BIRC6: variants seen among roughly 807,000 people sequenced by gnomAD.
The protein encoded by BIRC6 is dual E2 ubiquitin-conjugating enzyme/E3 ubiquitin-protein ligase BIRC6.
BIRC6 carries 98 observed loss-of-function variants against 503.3 expected under a neutral mutation model. The ratio of observed to expected loss-of-function variants is 0.19; its 90% CI spans 0.17 to 0.23. BIRC6 has a LOEUF of 0.23. BIRC6 is among the 10% of genes least tolerant of loss of function. The pLI is 1.00. For missense variants in BIRC6, 5,360 were observed against 5,806.0 expected, an observed-to-expected ratio of 0.92 and a Z score of 2.50; for synonymous variants, 2,240 against 2,078.7, an observed-to-expected ratio of 1.08 and a Z score of -2.11.
intron 69 of BIRC6, among the ~76,000 whole-genome samples, chr2:32,599,193 G>A (rs1447068272): frequency 6.6e-6 from 1 of 151,800 alleles, no homozygotes; most frequent in African/African-American, 2.4e-5. Context: ...GCCAGGCATG[G>A]TGGTGCATGC....
intron 59 of BIRC6, 105 bp downstream of exon 59, chr2:32,525,733 G>A (rs551802714): frequency 9.0e-7 from 1 of 1,107,156 alleles, no homozygotes; most frequent in East Asian, 2.5e-5. Flanking sequence ...TGCCATTGAT[G>A]AGATCAGTGA....
chr2:32,399,532 A>G (rs1394199133), intron 6 of BIRC6, among the ~76,000 whole-genome samples: 3 of 152,198 alleles, frequency 2.0e-5, no homozygotes, highest in African/African-American at 7.2e-5. Context: ...AACTGGGACT[A>G]TATGCTTTAC....
At chr2:32,361,717 C>A (rs965169453) in intron 1 of BIRC6, among the ~76,000 whole-genome samples, 34 of 152,152 alleles carry the variant, frequency 2.2e-4, no homozygotes, top group African/African-American at 7.7e-4. Context: ...TCCCCTCTCC[C>A]TGCTGGCAAC....
intron 53 of BIRC6, 143 bp from the exon 54 acceptor site, chr2:32,512,790 C>T: frequency 1.7e-5 from 11 of 652,304 alleles, no homozygotes; most frequent in East Asian, 5.8e-5. Context: ...CCTTTTTTTC[C>T]TATTTTAGAT....
At chr2:32,417,170 C>T (rs1297560627) in intron 10 of BIRC6, among the ~76,000 whole-genome samples, 1 of 152,122 alleles carries the variant, frequency 6.6e-6, no homozygotes, top group East Asian at 1.9e-4. Flanking sequence ...CACTGTGTTG[C>T]CCAGGCTGGA....
chr2:32,591,614 G>C (rs574346832), intron 66 of BIRC6, among the ~76,000 whole-genome samples: 1 of 152,250 alleles, frequency 6.6e-6, no homozygotes, highest in Non-Finnish European at 1.5e-5. Context: ...TCTGGAAAAA[G>C]AGCTTCACTT....
chr2:32,515,694 C>T lies in BIRC6; in HGVS notation c.11273C>T (p.Ala3758Val). ...GGACTGACTACTCAACAGCGCACAG[C>T]AATTGAGAATGCAACTGTTGCGTTC... ...TTGLTTQQRTAIENATVAFFL... is the reference protein window; with the variant it reads ...TTGLTTQQRTVIENATVAFFL... Residue 3758 changes from alanine (A) to valine (V), a missense_variant, in exon 55 of 74, where the codon GCA becomes GTA. Ala to Val is a moderately conservative substitution (Grantham distance 64). Transcript: ENST00000421745. The T allele has an allele frequency of 6.2e-7, 1 of 1,604,896 alleles. No individual in the cohort carries two copies.
chr2:32,496,124 C>T (rs1047263902), intron 45 of BIRC6, among the ~76,000 whole-genome samples: 1 of 152,140 alleles, frequency 6.6e-6, no homozygotes, highest in Non-Finnish European at 1.5e-5. Flanking sequence ...AGCCACCGCA[C>T]CCCGCCTTCG....
At chr2:32,430,041 G>A (rs544008374) in intron 11 of BIRC6, among the ~76,000 whole-genome samples, 17 of 152,168 alleles carry the variant, frequency 1.1e-4, no homozygotes, top group Non-Finnish European at 1.9e-4. Flanking sequence ...AGATTGACAT[G>A]CTGTTAATAT....
chr2:32,447,168 G>A lies in BIRC6; in HGVS notation c.4484+1500G>A, dbSNP rs1157953783. 2.0e-3 allele frequency among the ~76,000 whole-genome samples: 304 copies of A among 149,688 alleles called. 1 individual carries two copies. Among genetic ancestry groups the A allele is most frequent in the South Asian group, 6.3e-3 (29 of 4,568 alleles). ...TGTCTACCTCTATCCACACAGACCCGGCAACCATCCGATTTCTCAATTTTT... is the reference window on the plus strand; with the variant it reads ...TGTCTACCTCTATCCACACAGACCCAGCAACCATCCGATTTCTCAATTTTT... On this transcript the variant is annotated intron_variant, in intron 21 of 73. Transcript: ENST00000421745.
At chr2:32,571,756 C>T (rs2059930568) in intron 65 of BIRC6, among the ~76,000 whole-genome samples, 1 of 151,978 alleles carries the variant, frequency 6.6e-6, no homozygotes, top group African/African-American at 2.4e-5. Context: ...TCATTTAGTT[C>T]TGTGTTATTC....
At chr2:32,435,161 G>A (rs111470731) in intron 13 of BIRC6, among the ~76,000 whole-genome samples, 1,711 of 152,236 alleles carry the variant, frequency 0.011, 14 homozygotes, top group Non-Finnish European at 0.017. Flanking sequence ...ATTGGGTGGA[G>A]GACTCAGGAT....
rs2045416441 is a variant in BIRC6 at position 32,441,386 on chromosome 2, C to T, written c.3868C>T (p.Leu1290Phe). Reference protein sequence around the residue: ...NTSGTRKSENLRGCDLLQEVS... With the variant: ...NTSGTRKSENFRGCDLLQEVS... ...AAGTGGCACCCGTAAATCTGAAAACCTCCGGGGCTGTGATTTACTTCAAGA... is the reference window on the plus strand; with the variant it reads ...AAGTGGCACCCGTAAATCTGAAAACTTCCGGGGCTGTGATTTACTTCAAGA... The change falls in exon 17 of 74, where the codon CTC becomes TTC. Residue 1290 changes from leucine (L) to phenylalanine (F), a missense_variant. This residue lies in a region of BIRC6 where 2,299 missense variants were observed against 2,267.2 expected (regional missense o/e 1.01). Coordinates refer to ENST00000421745, the MANE Select transcript of BIRC6 (RefSeq NM_016252.4). The T allele has an allele frequency of 6.2e-7, 1 of 1,609,300 alleles. No homozygotes were observed. Among genetic ancestry groups the T allele is most frequent in the East Asian group, 2.2e-5 (1 of 44,830 alleles).
intron 40 of BIRC6, among the ~76,000 whole-genome samples, chr2:32,486,623 G>C (rs985908484): frequency 2.0e-5 from 3 of 152,146 alleles, no homozygotes; most frequent in African/African-American, 4.8e-5. Flanking sequence ...AGAGATAGTA[G>C]GTAGAACCGA....
chr2:32,508,444 T>G (rs1003938852), intron 51 of BIRC6, among the ~76,000 whole-genome samples, 185 bp downstream of exon 51: 5 of 152,014 alleles, frequency 3.3e-5, no homozygotes, highest in African/African-American at 1.2e-4. Flanking sequence ...AACAGAATGC[T>G]GACACTGATT....
chr2:32,392,304 A>G (rs2039331075), intron 5 of BIRC6, among the ~76,000 whole-genome samples, 154 bp downstream of exon 5: 1 of 152,118 alleles, frequency 6.6e-6, no homozygotes, highest in Non-Finnish European at 1.5e-5. Flanking sequence ...CCCAGGCTGG[A>G]GTGCAGCGCC....
At chr2:32,569,974 G>A (rs1243895528) in intron 65 of BIRC6, among the ~76,000 whole-genome samples, 1 of 152,008 alleles carries the variant, frequency 6.6e-6, no homozygotes, top group Non-Finnish European at 1.5e-5. Flanking sequence ...AATAAGAGTG[G>A]TGAAAATGAG....
At position 32,405,366 on chromosome 2, in the gene BIRC6, C is replaced by T. The variant is rs6720755; in HGVS notation, c.1419-1133C>T. Among the ~76,000 whole-genome samples the T allele has an allele frequency of 3.9e-3, 601 of 152,208 alleles. 6 individuals carry two copies. Among genetic ancestry groups the T allele is most frequent in the African/African-American group, 0.014 (575 of 41,512 alleles). On this transcript the variant is annotated intron_variant, in intron 8 of 73. Transcript: ENST00000421745. ...ATTGGTTTATGGGCAACTGTTATCACCTGAAAAAACTAAAACAGAGAAACT... is the reference window on the plus strand; with the variant it reads ...ATTGGTTTATGGGCAACTGTTATCATCTGAAAAAACTAAAACAGAGAAACT...
intron 59 of BIRC6, chr2:32,528,452 G>C (rs2056463478): frequency 6.6e-6 from 1 of 152,250 alleles, no homozygotes; most frequent in African/African-American, 2.4e-5. Flanking sequence ...TTGATCTTCT[G>C]GCCTTAGGTG....
Sources: gnomAD v4.1 joint callset for allele counts (sites outside exome capture counted in the v4.1 genomes callset) on GRCh38, gnomAD v4.1.1 for gene constraint, gnomAD v4.1.1 regional missense constraint, MANE v1.5 for transcripts, NCBI Gene and HGNC (gene_info 2026-07-23, HGNC 2026-07-21) for gene names.